Variants in MYO1H observed in about 807,000 individuals in gnomAD.
The protein encoded by MYO1H is unconventional myosin-Ih.
MYO1H carries 118 observed loss-of-function variants against 149.3 expected under a neutral mutation model. The observed-to-expected ratio is 0.79, with a 90% CI of 0.68 to 0.92. The LOEUF is 0.92. MYO1H is among the 40% of genes least tolerant of loss of function. The pLI is 0.00. For synonymous variants in MYO1H, 447 were observed against 465.2 expected (o/e 0.96, Z 0.50); for missense variants, 1,212 against 1,280.7 (o/e 0.95, Z 0.82).
chr12:109,414,476 C>CAAAAAAAA (rs1158287635), intron 14 of MYO1H, among the ~76,000 whole-genome samples: 1 of 57,396 alleles, frequency 1.7e-5, no homozygotes, highest in Non-Finnish European at 3.6e-5. Context: ...GACTCCATCT[C>CAAAAAAAA]AAAAAAAAAA....
exon 19 of MYO1H, chr12:109,427,518 G>A: frequency 6.2e-7 from 1 of 1,613,032 alleles, no homozygotes; most frequent in South Asian, 1.1e-5. Context: ...ACCTGGGGCT[G>A]ATGGAGCACC....
chr12:109,441,791 A>C, intron 26 of MYO1H, 83 bp downstream of exon 26: 4 of 949,350 alleles, frequency 4.2e-6, no homozygotes, highest in Non-Finnish European at 4.8e-6. Flanking sequence ...TCATGCCCAT[A>C]ATCTCAGCAC....
intron 14 of MYO1H, among the ~76,000 whole-genome samples, chr12:109,412,953 T>TTTGTTG (rs79763914): frequency 0.066 from 9,668 of 146,934 alleles, 491 homozygotes; most frequent in African/African-American, 0.14. Flanking sequence ...GCCCGGCTAA[T>TTTGTTG]TTGTTGTTGT....
intron 1 of MYO1H, among the ~76,000 whole-genome samples, chr12:109,365,053 T>C (rs1361381827): frequency 6.6e-6 from 1 of 152,160 alleles, no homozygotes; most frequent in Non-Finnish European, 1.5e-5. Flanking sequence ...GGAGGATCGC[T>C]TGAGGCTAGG....
intron 19 of MYO1H, 50 bp from the exon 20 acceptor site, chr12:109,432,847 G>C (rs1288518697): frequency 1.3e-6 from 2 of 1,514,148 alleles, no homozygotes; most frequent in Non-Finnish European, 9.2e-7. Context: ...GTGGGGGAGG[G>C]CTAGAGGAAG....
chr12:109,396,318 G>T, intron 3 of MYO1H, 66 bp from the exon 4 acceptor site: 1 of 1,349,724 alleles, frequency 7.4e-7, no homozygotes, highest in South Asian at 1.4e-5. Context: ...TTTCTTCTTT[G>T]GTGGGTGTCA....
chr12:109,331,601 G>A, the MYO1H span, among the ~76,000 whole-genome samples: 1 of 152,170 alleles, frequency 6.6e-6, no homozygotes, highest in Non-Finnish European at 1.5e-5. Context: ...GGAGGACTTC[G>A]GGAGCGGTAG....
exon 32 of MYO1H, chr12:109,448,046 C>A (rs1872562687): frequency 6.6e-6 from 1 of 152,156 alleles, no homozygotes; most frequent in South Asian, 2.1e-4. Context: ...CCACTGTGAC[C>A]ACCATCACTT....
At chr12:109,446,224 A>G in intron 31 of MYO1H, 1 of 985,470 alleles carries the variant, frequency 1.0e-6, no homozygotes, top group Non-Finnish European at 1.2e-6. Flanking sequence ...TGAGCACACA[A>G]GTACGCTGCC....
rs116889768 is a variant in MYO1H, at chr12:109,443,947, G to A, written c.2825-266G>A. On this transcript the variant is annotated intron_variant, in intron 28 of 31. Transcript: ENST00000310903. Reference sequence around the variant, plus strand: ...AAACCATCTGCCCTCCTCCCCTAGCGTTGCCCAGCCTGGACTGCACCCTTA... The same window carrying A: ...AAACCATCTGCCCTCCTCCCCTAGCATTGCCCAGCCTGGACTGCACCCTTA... Among the ~76,000 whole-genome samples, 48 of 151,592 alleles carry A rather than the reference G, an allele frequency of 3.2e-4. 4 individuals are homozygous for A. The East Asian group carries it at 8.2e-3, about 26-fold the overall frequency.
chr12:109,395,440 A>T (rs974073811), intron 3 of MYO1H, among the ~76,000 whole-genome samples: 4 of 152,308 alleles, frequency 2.6e-5, no homozygotes, highest in Non-Finnish European at 4.4e-5. Flanking sequence ...GGTGAACTTT[A>T]AAAAATATTT....
At chr12:109,336,571 T>C in the MYO1H span, among the ~76,000 whole-genome samples, 17 of 152,222 alleles carry the variant, frequency 1.1e-4, no homozygotes, top group East Asian at 1.9e-4. Flanking sequence ...CCACGTACTA[T>C]AGGCTAAGTA....
exon 7 of MYO1H, chr12:109,404,040 A>G (rs142589639): frequency 1.9e-5 from 30 of 1,613,824 alleles, no homozygotes; most frequent in Middle Eastern, 1.6e-4. Context: ...ACTGTTTCCA[A>G]CGCCTTTTCT....
intron 5 of MYO1H, among the ~76,000 whole-genome samples, chr12:109,399,996 G>C (rs958657653): frequency 2.0e-5 from 3 of 152,138 alleles, no homozygotes; most frequent in Non-Finnish European, 2.9e-5. Context: ...TCTGACCTCT[G>C]TGATCACAGG....
chr12:109,407,637 T>A (rs1270292361), intron 9 of MYO1H, among the ~76,000 whole-genome samples, 157 bp from the exon 10 acceptor site: 2 of 146,076 alleles, frequency 1.4e-5, no homozygotes, highest in Non-Finnish European at 1.5e-5. Flanking sequence ...GGCATGGTGG[T>A]GGGCACCTGT....
chr12:109,365,958 A>G (rs748092257), intron 1 of MYO1H, among the ~76,000 whole-genome samples: 1 of 152,166 alleles, frequency 6.6e-6, no homozygotes, highest in Non-Finnish European at 1.5e-5. Flanking sequence ...AGACTCTCAC[A>G]GGATTGTGAA....
At chr12:109,359,218 A>G (rs1000412238) in intron 1 of MYO1H, 15 of 151,998 alleles carry the variant, frequency 9.9e-5, no homozygotes, top group African/African-American at 2.9e-4. Context: ...TGTATTATGA[A>G]AGCTGACATG....
chr12:109,333,148 C>T, the MYO1H span, among the ~76,000 whole-genome samples: 1 of 151,992 alleles, frequency 6.6e-6, no homozygotes, highest in Admixed American at 6.6e-5. Context: ...GGTGAAACCC[C>T]GTTTCTTTTA....
chr12:109,314,386 T>A, the MYO1H span, among the ~76,000 whole-genome samples: 1 of 152,182 alleles, frequency 6.6e-6, no homozygotes, highest in African/African-American at 2.4e-5. Flanking sequence ...CATTTTAACC[T>A]TAAGCATGTT....
Sources: allele counts gnomAD v4.1 joint callset (sites outside exome capture counted in the v4.1 genomes callset), GRCh38; gene constraint gnomAD v4.1.1; transcripts MANE v1.5; gene names NCBI Gene and HGNC (gene_info 2026-07-23, HGNC 2026-07-21).